Variants in ZFYVE26 observed in about 807,000 individuals in gnomAD.
ZFYVE26 encodes zinc finger FYVE-type containing 26.
In ZFYVE26, 181 loss-of-function variants were observed where a neutral mutation model predicts 276.5. The ratio of observed to expected loss-of-function variants is 0.65; its 90% CI spans 0.58 to 0.74. ZFYVE26 has a LOEUF of 0.74. ZFYVE26 is among the 30% of genes least tolerant of loss of function. The probability of loss-of-function intolerance (pLI) is 0.00; values close to 1 mark genes in which losing one functional copy is unlikely to be tolerated. For synonymous variants in ZFYVE26, 1,129 were observed against 1,203.1 expected, an observed-to-expected ratio of 0.94 and a Z score of 1.27; for missense variants, 2,821 against 3,097.9, an observed-to-expected ratio of 0.91 and a Z score of 2.12.
At chr14:67,762,968 T>C in intron 32 of ZFYVE26, 149 bp from the exon 33 acceptor site, 1 of 1,133,250 alleles carries the variant, frequency 8.8e-7, no homozygotes, top group Non-Finnish European at 1.3e-6. Context: ...AGTGGTCCGA[T>C]CTCGGCTCAC....
intron 35 of ZFYVE26, chr14:67,756,541 C>T (rs2038784166): frequency 4.6e-6 from 1 of 218,566 alleles, no homozygotes; most frequent in African/African-American, 2.3e-5. Context: ...CAGCTTTTGA[C>T]AGAGATGGCT....
intron 35 of ZFYVE26, 164 bp downstream of exon 35, chr14:67,761,202 A>C (rs2038918361): frequency 2.7e-6 from 2 of 731,476 alleles, no homozygotes. Context: ...TCACTGAATA[A>C]CAGTTGTGCA....
At chr14:67,793,561 C>T (rs1258727521) in intron 14 of ZFYVE26, 47 bp downstream of exon 14, 1 of 1,602,488 alleles carries the variant, frequency 6.2e-7, no homozygotes, top group Admixed American at 1.7e-5. Flanking sequence ...CGAGCCTTAC[C>T]TGATGCTAAG....
rs1451519390 is a variant in ZFYVE26 at position 67,752,542 on chromosome 14, A to G, written c.7189-16T>C. 1.2e-6 allele frequency: 2 copies of G among 1,614,000 alleles called. No individual in the cohort carries two copies. The highest frequency in any genetic ancestry group is 1.7e-6 in the Non-Finnish European group (2 of 1,179,974). ...GCTGGAAGTCCTAGAACAGAACACA[A>G]CATGATGGGCTTAGGAGCAGGAAAC... On this transcript the variant is annotated splice_polypyrimidine_tract_variant and intron_variant, in intron 39 of 41. Transcript: ENST00000347230.
chr14:67,767,992 A>G (rs1437117317), intron 30 of ZFYVE26, 152 bp from the exon 31 acceptor site: 1 of 1,026,294 alleles, frequency 9.7e-7, no homozygotes, highest in African/African-American at 1.6e-5. Flanking sequence ...GCTTTAGGAC[A>G]CCCCACTAAG....
intron 15 of ZFYVE26, 79 bp downstream of exon 15, chr14:67,790,493 T>C: frequency 1.4e-6 from 2 of 1,479,760 alleles, no homozygotes; most frequent in South Asian, 1.1e-5. Context: ...ATGAGGAGCC[T>C]AGGATTTTAG....
chr14:67,785,725 C>A (rs1251530479), intron 18 of ZFYVE26, 133 bp downstream of exon 18: 30 of 1,213,696 alleles, frequency 2.5e-5, no homozygotes, highest in Non-Finnish European at 3.5e-5. Flanking sequence ...TTGAGACATG[C>A]CCTGGCTAAC....
chr14:67,748,708 G>T, intron 41 of ZFYVE26, 69 bp from the exon 42 acceptor site: 1 of 1,556,366 alleles, frequency 6.4e-7, no homozygotes, highest in Non-Finnish European at 8.8e-7. Context: ...CAGAGCTGCA[G>T]CAGAAAGCTC....
intron 13 of ZFYVE26, among the ~76,000 whole-genome samples, chr14:67,739,516 T>G (rs554427048): frequency 2.6e-5 from 4 of 152,270 alleles, no homozygotes; most frequent in Non-Finnish European, 5.9e-5. Flanking sequence ...CTTTTTAATT[T>G]TTTTTTTTAC....
At chr14:67,769,450 A>G (rs2039145951) in intron 29 of ZFYVE26, 144 bp downstream of exon 29, 2 of 1,248,986 alleles carry the variant, frequency 1.6e-6, no homozygotes, top group Non-Finnish European at 2.3e-6. Context: ...CAAACCCTTC[A>G]GTGTAGAGTT....
intron 10 of ZFYVE26, chr14:67,799,553 T>C: frequency 1.3e-6 from 2 of 1,536,648 alleles, no homozygotes; most frequent in Non-Finnish European, 1.8e-6. Flanking sequence ...AGCAAAGTAC[T>C]GCAAGTCTTC....
intron 3 of ZFYVE26, among the ~76,000 whole-genome samples, chr14:67,810,436 T>C (rs372054779): frequency 6.6e-6 from 1 of 152,370 alleles, no homozygotes; most frequent in East Asian, 1.9e-4. Flanking sequence ...CTGTGTGCCA[T>C]ATTTTATTCT....
chr14:67,742,292 G>A (rs1288080642), downstream of ZFYVE26, among the ~76,000 whole-genome samples: 1 of 152,186 alleles, frequency 6.6e-6, no homozygotes, highest in Non-Finnish European at 1.5e-5. Context: ...AGTTTCAGTT[G>A]GAGGATGAAA....
chr14:67,794,492 C>T (rs983482845), intron 12 of ZFYVE26, among the ~76,000 whole-genome samples: 6 of 152,200 alleles, frequency 3.9e-5, no homozygotes, highest in Non-Finnish European at 8.8e-5. Flanking sequence ...GGTCTCAGAG[C>T]CCCAAGAACT....
intron 27 of ZFYVE26, among the ~76,000 whole-genome samples, chr14:67,773,011 T>C (rs938774635): frequency 6.6e-6 from 1 of 152,274 alleles, no homozygotes; most frequent in South Asian, 2.1e-4. Flanking sequence ...TGCCATGCCA[T>C]GTATGGACAT....
intron 5 of ZFYVE26, 39 bp from the exon 6 acceptor site, chr14:67,806,714 CTCT>C: frequency 1.2e-6 from 2 of 1,612,900 alleles, no homozygotes; most frequent in Middle Eastern, 1.7e-4. Flanking sequence ...AAACCAAGAA[CTCT>C]TCTTTTCTAA....
chr14:67,800,565 T>C (rs1301433177), intron 10 of ZFYVE26, among the ~76,000 whole-genome samples: 1 of 152,228 alleles, frequency 6.6e-6, no homozygotes, highest in Admixed American at 6.5e-5. Flanking sequence ...GAGGCCCCTT[T>C]CTGACTGTCT....
intron 16 of ZFYVE26, among the ~76,000 whole-genome samples, chr14:67,786,657 C>T (rs2039667213): frequency 6.6e-6 from 1 of 152,218 alleles, no homozygotes; most frequent in Non-Finnish European, 1.5e-5. Flanking sequence ...TCCTATACTC[C>T]CATATGCTCA....
chr14:67,806,458 C>G, intron 6 of ZFYVE26, 87 bp downstream of exon 6: 1 of 1,557,046 alleles, frequency 6.4e-7, no homozygotes, highest in Non-Finnish European at 8.8e-7. Context: ...TTTATGGTGG[C>G]CAAATGAGTG....
Sources: gnomAD v4.1 joint callset for allele counts (sites outside exome capture counted in the v4.1 genomes callset) on GRCh38, gnomAD v4.1.1 for gene constraint, MANE v1.5 for transcripts, NCBI Gene and HGNC (gene_info 2026-07-23, HGNC 2026-07-21) for gene names.